DCC: variants seen among roughly 807,000 people sequenced by gnomAD.
DCC encodes the protein netrin receptor DCC.
A neutral mutation model predicts 172.5 loss-of-function variants in DCC; 58 were observed. The observed-to-expected ratio is 0.34, with a 90% confidence interval of 0.27 to 0.42. The LOEUF (loss-of-function observed/expected upper bound fraction) is 0.42, where lower values mean the gene tolerates loss of function less well. DCC is among the 10% of genes least tolerant of loss of function. The pLI, the probability that DCC is intolerant of heterozygous loss-of-function variation, is 1.00. For synonymous variants in DCC, 709 were observed against 644.5 expected (o/e 1.10, Z -1.52); for missense variants, 1,740 against 1,791.0 (o/e 0.97, Z 0.51).
At chr18:53,380,821 C>T (rs914053837) in intron 15 of DCC, among the ~76,000 whole-genome samples, 1 of 152,120 alleles carries the variant, frequency 6.6e-6, no homozygotes, top group African/African-American at 2.4e-5. Context: ...AGTTACAAGT[C>T]CATTGCAAGT....
intron 3 of DCC, 41 bp downstream of exon 3, chr18:52,906,369 T>C (rs1367695722): frequency 1.1e-5 from 18 of 1,605,108 alleles, no homozygotes; most frequent in Non-Finnish European, 1.4e-5. Context: ...TGATATTCTC[T>C]GGAATAAGTT....
chr18:52,396,281 A>AACCCC (rs1568149503), intron 1 of DCC, among the ~76,000 whole-genome samples: 1 of 114,304 alleles, frequency 8.7e-6, no homozygotes, highest in Non-Finnish European at 1.8e-5. Flanking sequence ...CCTGCACCAC[A>AACCCC]CCCCCCCCCC....
chr18:52,833,617 G>A (rs1336136970), intron 2 of DCC, among the ~76,000 whole-genome samples: 1 of 152,126 alleles, frequency 6.6e-6, no homozygotes, highest in Non-Finnish European at 1.5e-5. Flanking sequence ...CTGGTCTGGA[G>A]CCACCACATT....
chr18:53,281,566 C>T (rs191520872), intron 12 of DCC, among the ~76,000 whole-genome samples: 46 of 152,248 alleles, frequency 3.0e-4, no homozygotes, highest in Non-Finnish European at 7.4e-5. Context: ...GACTTCTGGA[C>T]TTGTGTCCTT....
At chr18:52,514,344 A>G (rs568479348) in intron 1 of DCC, among the ~76,000 whole-genome samples, 1 of 152,162 alleles carries the variant, frequency 6.6e-6, no homozygotes, top group Non-Finnish European at 1.5e-5. Flanking sequence ...TTGAGGCCAG[A>G]TAATGCTTTC....
chr18:53,085,686 T>C (rs146906175), intron 7 of DCC, among the ~76,000 whole-genome samples: 2,473 of 151,992 alleles, frequency 0.016, 80 homozygotes, highest in African/African-American at 0.057. Context: ...TAAATAGGAA[T>C]ATAAAGCTAA....
chr18:52,677,071 C>A (rs1428984325), intron 1 of DCC, among the ~76,000 whole-genome samples: 1 of 152,042 alleles, frequency 6.6e-6, no homozygotes, highest in Non-Finnish European at 1.5e-5. Flanking sequence ...TAGTGAAATT[C>A]AACAGCAAAT....
At chr18:53,131,916 T>G (rs1016045801) in intron 7 of DCC, among the ~76,000 whole-genome samples, 3 of 148,328 alleles carry the variant, frequency 2.0e-5, no homozygotes, top group African/African-American at 7.4e-5. Flanking sequence ...CAGCCTATAA[T>G]GGCACTTGGC....
chr18:52,709,156 G>C (rs2036256498), intron 1 of DCC, among the ~76,000 whole-genome samples: 1 of 152,082 alleles, frequency 6.6e-6, no homozygotes, highest in South Asian at 2.1e-4. Flanking sequence ...CCATTTTATT[G>C]GAGAGAAAAC....
rs1015511275 is a variant in DCC at position 52,426,019 on chromosome 18, G to A, written c.91+85141G>A. Among the ~76,000 whole-genome samples, 3 of 152,024 alleles carry A rather than the reference G, an allele frequency of 2.0e-5. No homozygotes were observed. In the East Asian group the frequency reaches 5.8e-4, roughly 29 times the overall value. On this transcript the variant is annotated intron_variant, in intron 1 of 28. Coordinates refer to ENST00000442544, the MANE Select transcript of DCC (RefSeq NM_005215.4). The stretch of plus-strand genomic sequence containing the variant: ...GATCTCACTGTTGTTATCTCAGTGA[G>A]GTTCTTCAACTCACACAGAAGCACA...
intron 2 of DCC, chr18:52,809,371 C>A (rs1279974409): frequency 6.0e-6 from 1 of 165,772 alleles, no homozygotes; most frequent in East Asian, 1.8e-4. Context: ...TATTCTCTGA[C>A]CTGGGGTTCT....
chr18:52,414,046 G>A (rs796197142), intron 1 of DCC, among the ~76,000 whole-genome samples: 12 of 152,210 alleles, frequency 7.9e-5, no homozygotes, highest in African/African-American at 2.4e-4. Context: ...TTGATTTTAA[G>A]TCCTTTCCTT....
At chr18:52,585,106 G>A (rs928062122) in intron 1 of DCC, among the ~76,000 whole-genome samples, 1 of 152,134 alleles carries the variant, frequency 6.6e-6, no homozygotes, top group South Asian at 2.1e-4. Flanking sequence ...CTTTATTCTC[G>A]AATGCTTAAA....
chr18:52,445,359 A>G (rs1988090050), intron 1 of DCC, among the ~76,000 whole-genome samples: 1 of 152,222 alleles, frequency 6.6e-6, no homozygotes, highest in South Asian at 2.1e-4. Flanking sequence ...TTGATTTTCC[A>G]AGAGGATTAT....
intron 1 of DCC, among the ~76,000 whole-genome samples, chr18:52,646,213 C>T (rs917152816): frequency 2.0e-5 from 3 of 152,146 alleles, no homozygotes; most frequent in Non-Finnish European, 4.4e-5. Context: ...ATAATAAATG[C>T]GCTTTCTAAT....
chr18:52,727,983 C>T (rs760427057), intron 1 of DCC, among the ~76,000 whole-genome samples: 1 of 152,162 alleles, frequency 6.6e-6, no homozygotes, highest in Non-Finnish European at 1.5e-5. Context: ...TTTCCCAACT[C>T]TCCCATTTCA....
rs190418303 is a variant in DCC at position 52,526,830 on chromosome 18, C to T, written c.91+185952C>T. Among the ~76,000 whole-genome samples, 671 of 152,214 alleles carry T rather than the reference C, an allele frequency of 4.4e-3. 2 individuals are homozygous for T. Among genetic ancestry groups the T allele is most frequent in the Non-Finnish European group, 7.1e-3 (486 of 68,000 alleles). ...CATGGTCAGACTTATTTCATAGATCCATCTATTTTGGTGATCTGGAAGTAG... is the reference window on the plus strand; with the variant it reads ...CATGGTCAGACTTATTTCATAGATCTATCTATTTTGGTGATCTGGAAGTAG... On this transcript the variant is annotated intron_variant, in intron 1 of 28. Coordinates refer to ENST00000442544, the MANE Select transcript of DCC (RefSeq NM_005215.4).
At chr18:52,684,890 A>G (rs998870719) in intron 1 of DCC, among the ~76,000 whole-genome samples, 2 of 152,142 alleles carry the variant, frequency 1.3e-5, no homozygotes, top group Non-Finnish European at 2.9e-5. Context: ...AAAAGTTTAA[A>G]TCTGTTTTTC....
At chr18:52,887,827 C>T (rs115708075) in intron 2 of DCC, among the ~76,000 whole-genome samples, 2,298 of 152,218 alleles carry the variant, frequency 0.015, 44 homozygotes, top group African/African-American at 0.038. Context: ...AATTAGTTTG[C>T]AGCCTCTGTA....
Sources: gnomAD v4.1 joint callset for allele counts (sites outside exome capture counted in the v4.1 genomes callset) on GRCh38, gnomAD v4.1.1 for gene constraint, MANE v1.5 for transcripts, NCBI Gene and HGNC (gene_info 2026-07-23, HGNC 2026-07-21) for gene names.